Variants in THOC5 observed in about 807,000 individuals in gnomAD.
THOC5 encodes Fms-interacting protein.
THOC5 carries 43 observed loss-of-function variants against 92.9 expected under a neutral mutation model. The observed-to-expected ratio is 0.46, with a 90% CI of 0.36 to 0.60. THOC5 has a LOEUF of 0.60. Among genes scored for constraint, THOC5 ranks in the 20% least tolerant of loss-of-function variants. The probability of loss-of-function intolerance (pLI) is 0.00; values close to 1 mark genes in which losing one functional copy is unlikely to be tolerated. For synonymous variants in THOC5, 296 were observed against 320.1 expected (o/e 0.92, Z 0.80); for missense variants, 659 against 849.4 (o/e 0.78, Z 2.79).
chr22:29,513,146 C>G (rs567480392), intron 17 of THOC5, among the ~76,000 whole-genome samples: 2 of 150,780 alleles, frequency 1.3e-5, no homozygotes, highest in East Asian at 2.0e-4. Flanking sequence ...ATCAGGAGAT[C>G]GAGACCATCC....
chr22:29,550,042 G>T (rs1029103166), intron 1 of THOC5, among the ~76,000 whole-genome samples: 18 of 152,088 alleles, frequency 1.2e-4, no homozygotes, highest in African/African-American at 4.3e-4. Flanking sequence ...GCCTGGCAGA[G>T]TGCTCCATAA....
intron 7 of THOC5, among the ~76,000 whole-genome samples, chr22:29,532,265 G>A (rs2063670231): frequency 6.6e-6 from 1 of 151,390 alleles, no homozygotes; most frequent in Non-Finnish European, 1.5e-5. Context: ...TTCAAGAGCA[G>A]CCTGGGTAAC....
intron 11 of THOC5, 71 bp from the exon 12 acceptor site, chr22:29,526,017 G>T: frequency 1.6e-6 from 1 of 628,134 alleles, no homozygotes; most frequent in Non-Finnish European, 2.7e-6. Flanking sequence ...GTCATAGGGG[G>T]TAGTAAGGTG....
chr22:29,531,689 G>A, intron 8 of THOC5, 142 bp downstream of exon 8: 1 of 1,470,792 alleles, frequency 6.8e-7, no homozygotes, highest in South Asian at 1.5e-5. Flanking sequence ...GCTGGGCAAT[G>A]CAGAGGGAAG....
At chr22:29,523,844 G>C (rs1388240935) in intron 12 of THOC5, among the ~76,000 whole-genome samples, 1 of 152,186 alleles carries the variant, frequency 6.6e-6, no homozygotes, top group Non-Finnish European at 1.5e-5. Context: ...GATAGTATGA[G>C]ATTCAAGAAT....
chr22:29,551,599 A>T (rs1005217091), intron 1 of THOC5, among the ~76,000 whole-genome samples: 3 of 152,038 alleles, frequency 2.0e-5, no homozygotes, highest in African/African-American at 7.2e-5. Context: ...AACATTTTAA[A>T]ATTAGCCTAG....
At chr22:29,516,904 C>G in intron 17 of THOC5, 125 bp downstream of exon 17, 1 of 848,654 alleles carries the variant, frequency 1.2e-6, no homozygotes. Flanking sequence ...CAGGCTCTCA[C>G]GATCATTATT....
chr22:29,529,891 C>CTTT (rs2063618103), intron 8 of THOC5, among the ~76,000 whole-genome samples: 1 of 152,202 alleles, frequency 6.6e-6, no homozygotes, highest in Non-Finnish European at 1.5e-5. Context: ...CCTGTAATCT[C>CTTT]AGCACTTTGG....
rs753777475 is a variant in THOC5 at position 29,544,595 on chromosome 22, T to G, written c.105A>C (p.Lys35Asn). ...RNRSDTEQEG[K>N]YYSEEAEVDL... ...CCACCTCGGCCTCCTCACTGTAGTA[T>G]TTACCTTCCTGTAGAGGTAAGGATA... The change falls in exon 3 of 20, where the codon AAA becomes AAC. Residue 35 changes from lysine (K) to asparagine (N), a missense_variant. Lys to Asn is a moderately conservative substitution (Grantham distance 94). Transcript: ENST00000490103. 26 of 1,610,514 alleles carry G rather than the reference T, an allele frequency of 1.6e-5. No individual in the cohort carries two copies. Among genetic ancestry groups the G allele is most frequent in the African/African-American group, 2.7e-5 (2 of 74,768 alleles).
At position 29,529,337 on chromosome 22, in the gene THOC5, C is replaced by T. The variant is rs2063608155; in HGVS notation, c.848-98G>A. 7 of 1,275,120 alleles carry T rather than the reference C, an allele frequency of 5.5e-6. No individual in the cohort carries two copies. In the East Asian group the frequency reaches 1.6e-4, roughly 30 times the overall value. The allele number at this position is 1,275,120 out of a possible 1,614,324, so 79.0% of individuals were successfully genotyped here. On this transcript the variant is annotated intron_variant, in intron 8 of 19. Coordinates refer to ENST00000490103, the MANE Select transcript of THOC5 (RefSeq NM_003678.5). The stretch of plus-strand genomic sequence containing the variant: ...TGGGGCTGCATTTCTCCCACCTCTG[C>T]CCAGCTCCTTGCTGACTAAGGGTGG...
intron 12 of THOC5, among the ~76,000 whole-genome samples, chr22:29,521,518 AT>A (rs1382480601): frequency 6.6e-6 from 1 of 152,162 alleles, no homozygotes; most frequent in Non-Finnish European, 1.5e-5. Flanking sequence ...AATAATTTCA[AT>A]TTTCATAAAA....
chr22:29,522,593 T>C (rs1000159417), intron 12 of THOC5, among the ~76,000 whole-genome samples: 1 of 151,868 alleles, frequency 6.6e-6, no homozygotes, highest in Non-Finnish European at 1.5e-5. Context: ...TTGGTAAAAA[T>C]GATGAACATA....
intron 8 of THOC5, among the ~76,000 whole-genome samples, chr22:29,529,971 C>T (rs932918130): frequency 4.7e-5 from 7 of 150,332 alleles, no homozygotes; most frequent in Admixed American, 6.6e-5. Context: ...GGCAAAATCC[C>T]GTCTGTACTA....
intron 8 of THOC5, chr22:29,531,416 G>T: frequency 1.0e-6 from 1 of 1,003,128 alleles, no homozygotes; most frequent in South Asian, 4.4e-5. Context: ...AAGACATGCA[G>T]CCTGATTCAA....
At chr22:29,511,352 C>T (rs2063218428) in intron 18 of THOC5, 56 bp from the exon 19 acceptor site, 1 of 1,568,150 alleles carries the variant, frequency 6.4e-7, no homozygotes, top group Non-Finnish European at 8.6e-7. Context: ...TGGGGGACCA[C>T]ACTGGCCAGG....
At chr22:29,548,937 G>T in intron 2 of THOC5, 115 bp downstream of exon 2, 1 of 868,814 alleles carries the variant, frequency 1.2e-6, no homozygotes, top group Non-Finnish European at 1.8e-6. Context: ...TCAAGTGGAA[G>T]CCACCAAAAA....
Position 29,539,313 on chromosome 22 carries a change from G to T in THOC5, c.599+17C>A. The T allele has an allele frequency of 6.2e-7, 1 of 1,612,292 alleles. No homozygotes were observed. Among genetic ancestry groups the T allele is most frequent in the Non-Finnish European group, 8.5e-7 (1 of 1,178,896 alleles). ...TGACACTTTGTGGTTAAAAGGTCAGGAAGGAGGAAATGCTACCTTTTCCGC... is the reference window on the plus strand; with the variant it reads ...TGACACTTTGTGGTTAAAAGGTCAGTAAGGAGGAAATGCTACCTTTTCCGC... On this transcript the variant is annotated intron_variant, in intron 6 of 19. Coordinates refer to ENST00000490103, the MANE Select transcript of THOC5 (RefSeq NM_003678.5).
At chr22:29,518,652 G>A (rs1360597415) in intron 15 of THOC5, among the ~76,000 whole-genome samples, 1 of 152,226 alleles carries the variant, frequency 6.6e-6, no homozygotes, top group Non-Finnish European at 1.5e-5. Flanking sequence ...ACTATGCTCA[G>A]TGCCTGGCAT....
At chr22:29,548,471 C>T (rs1260571472) in intron 2 of THOC5, among the ~76,000 whole-genome samples, 1 of 152,142 alleles carries the variant, frequency 6.6e-6, no homozygotes, top group Non-Finnish European at 1.5e-5. Context: ...GGGAGGATCG[C>T]TTGAGCCCAG....
Sources: gnomAD v4.1 joint callset for allele counts (sites outside exome capture counted in the v4.1 genomes callset) on GRCh38, gnomAD v4.1.1 for gene constraint, MANE v1.5 for transcripts, NCBI Gene and HGNC (gene_info 2026-07-23, HGNC 2026-07-21) for gene names.